Variants in AFF3 observed in about 807,000 individuals in gnomAD.
The protein encoded by AFF3 is AF4/FMR2 family member 3.
A neutral mutation model predicts 129.7 loss-of-function variants in AFF3; 32 were observed. That is an observed-to-expected ratio of 0.25 (90% confidence interval 0.19 to 0.33). The LOEUF is 0.33. Ranked by LOEUF, AFF3 falls within the 10% of genes least tolerant of loss-of-function variation. AFF3 has a pLI of 1.00. For synonymous variants in AFF3, 644 were observed against 635.4 expected, an observed-to-expected ratio of 1.01 and a Z score of -0.20; for missense variants, 1,373 against 1,592.0, an observed-to-expected ratio of 0.86 and a Z score of 2.34.
rs923856859 is a variant in AFF3, at chr2:99,882,805, C to T, written c.874-45281G>A. Among the ~76,000 whole-genome samples, 6 of 152,282 alleles carry T rather than the reference C, an allele frequency of 3.9e-5. No homozygotes were observed. The East Asian group carries it at 9.6e-4, about 24-fold the overall frequency. ...CCACATAAAGAAACTGTAGTCTGGG[C>T]CCAAGGCATGGCCCTAGCAATTTCC... On this transcript the variant is annotated intron_variant, in intron 7 of 24. Transcript: ENST00000672756.
rs1219295781 is a variant in AFF3 at position 99,554,719 on chromosome 2, G to A, written c.3299C>T (p.Ala1100Val). The A allele has an allele frequency of 3.1e-6, 5 of 1,614,110 alleles. No homozygotes were observed. The highest frequency in any genetic ancestry group is 1.6e-4 in the Middle Eastern group (1 of 6,084). ...LIDYFKNSSK[A>V]AQAPSPWGAS... ...CCCCCACGGAGATGGGGCTTGGGCG[G>A]CTTTAGATGAGTTCTGCAAGAAAAT... is the stretch of plus-strand genomic sequence containing the variant. Residue 1100 changes from alanine (A) to valine (V), a missense_variant, in exon 23 of 25, where the codon GCC (alanine) becomes GTC (valine). By Grantham distance (64) the Ala-to-Val change is moderately conservative (BLOSUM62 0). Coordinates refer to ENST00000672756, the MANE Select transcript of AFF3 (RefSeq NM_001386135.1).
At chr2:99,639,475 A>G (rs1291477118) in intron 13 of AFF3, among the ~76,000 whole-genome samples, 1 of 152,192 alleles carries the variant, frequency 6.6e-6, no homozygotes, top group African/African-American at 2.4e-5. Flanking sequence ...AGAGGACTGC[A>G]TGGAGACTCA....
chr2:99,631,484 T>C (rs957453473), intron 13 of AFF3, among the ~76,000 whole-genome samples: 4 of 152,178 alleles, frequency 2.6e-5, no homozygotes, highest in Non-Finnish European at 4.4e-5. Context: ...TGAAACTCAA[T>C]ACCCCTTAAA....
intron 11 of AFF3, among the ~76,000 whole-genome samples, chr2:99,679,240 A>ACTCC (rs1674295210): frequency 6.6e-6 from 1 of 151,322 alleles, no homozygotes; most frequent in Non-Finnish European, 1.5e-5. Context: ...TCCTTCCTGG[A>ACTCC]CTCCCTCCCT....
At position 99,549,324 on chromosome 2, in the gene AFF3, C is replaced by T. The variant is rs1442462151; in HGVS notation, c.*2150G>A. 1 of 192,082 alleles carries T rather than the reference C, an allele frequency of 5.2e-6. No individual in the cohort carries two copies. The highest frequency in any genetic ancestry group is 8.2e-5 in the East Asian group (1 of 12,180). 11.9% of individuals were successfully genotyped at this position (192,082 alleles called of 1,614,324 possible). A position where few individuals can be genotyped will look rare whatever the true frequency, so the allele number is the denominator to read the frequency against. On this transcript the variant is annotated 3_prime_UTR_variant, in exon 25 of 25. Transcript: ENST00000672756. The stretch of plus-strand genomic sequence containing the variant: ...AAAGGGCTGGGTGTGGTGGCTCACG[C>T]CTGTAATCACAACACTTTGGGAGGT...
At position 99,551,563 on chromosome 2, in the gene AFF3, G is replaced by GCC; in HGVS notation, c.3590_3591dup (p.Pro1198GlyfsTer67). Reference sequence around the variant, plus strand: ...TCCATGCTGCTGTGCAGGGTGACCGGCCCCATGAGCAGATCCAGGTCGTTG... The same window carrying GCC: ...TCCATGCTGCTGTGCAGGGTGACCGGCCCCCCATGAGCAGATCCAGGTCGTTG... On this transcript the variant is annotated frameshift_variant, in exon 25 of 25. Coordinates refer to ENST00000672756, the MANE Select transcript of AFF3 (RefSeq NM_001386135.1). LOFTEE classifies it high-confidence loss of function. The GCC allele has an allele frequency of 6.2e-7, 1 of 1,614,136 alleles. No individual in the cohort carries two copies. Among genetic ancestry groups the GCC allele is most frequent in the Non-Finnish European group, 8.5e-7 (1 of 1,180,024 alleles).
chr2:99,592,092 A>C (rs1489294527), intron 15 of AFF3, among the ~76,000 whole-genome samples: 1 of 152,188 alleles, frequency 6.6e-6, no homozygotes, highest in African/African-American at 2.4e-5. Flanking sequence ...TTACTTATGA[A>C]GATACAGTAA....
chr2:99,771,585 C>T (rs1374528703), intron 8 of AFF3, among the ~76,000 whole-genome samples: 1 of 152,102 alleles, frequency 6.6e-6, no homozygotes, highest in Non-Finnish European at 1.5e-5. Flanking sequence ...TAAAGGTCAC[C>T]TTGTTTATAT....
At chr2:99,955,610 T>G (rs865866587) in intron 7 of AFF3, among the ~76,000 whole-genome samples, 1 of 152,344 alleles carries the variant, frequency 6.6e-6, no homozygotes, top group Admixed American at 6.5e-5. Context: ...AATTCTTCTA[T>G]AGCCAAATCT....
intron 7 of AFF3, among the ~76,000 whole-genome samples, chr2:99,909,111 G>A (rs1018781217): frequency 6.6e-6 from 1 of 152,016 alleles, no homozygotes; most frequent in Non-Finnish European, 1.5e-5. Flanking sequence ...TGATAGACTG[G>A]ATTAAGAAAA....
chr2:100,105,909 A>G, intron 2 of AFF3: 1 of 1,330,620 alleles, frequency 7.5e-7, no homozygotes, highest in Non-Finnish European at 1.0e-6. Flanking sequence ...AGTCCCTTCC[A>G]GCACTCTCCC....
Position 99,550,689 on chromosome 2 carries a change from G to T in AFF3, c.*785C>A, listed in dbSNP as rs1169707340. ...CCAACACACAGGCACTGCTACCTTAGTGTCTGTTAACTTTCAAAGACGCCG... is the reference window on the plus strand; with the variant it reads ...CCAACACACAGGCACTGCTACCTTATTGTCTGTTAACTTTCAAAGACGCCG... On this transcript the variant is annotated 3_prime_UTR_variant, in exon 25 of 25. Transcript: ENST00000672756. The T allele has an allele frequency of 2.1e-5, 5 of 232,756 alleles. No individual in the cohort carries two copies. The highest frequency in any genetic ancestry group is 4.4e-5 in the African/African-American group (2 of 45,304). The allele number at this position is 232,756 out of a possible 1,614,324, so 14.4% of individuals were successfully genotyped here.
At chr2:99,728,482 T>G (rs1679542840) in intron 10 of AFF3, among the ~76,000 whole-genome samples, 1 of 152,202 alleles carries the variant, frequency 6.6e-6, no homozygotes, top group East Asian at 1.9e-4. Flanking sequence ...CAGGAATGAC[T>G]CCCTAAATTA....
At chr2:100,105,723 T>C (rs962420746) in intron 2 of AFF3, 140 bp from the exon 3 acceptor site, 5 of 1,361,634 alleles carry the variant, frequency 3.7e-6, no homozygotes, top group Non-Finnish European at 4.9e-6. Flanking sequence ...CTACCTCTGC[T>C]TCTCCACAGT....
chr2:99,610,013 G>A (rs992745756), intron 13 of AFF3, among the ~76,000 whole-genome samples: 8 of 152,108 alleles, frequency 5.3e-5, no homozygotes, highest in Non-Finnish European at 1.0e-4. Context: ...GATCGACCTC[G>A]TGACATTCTT....
chr2:99,910,767 A>G (rs930291896), intron 7 of AFF3, among the ~76,000 whole-genome samples: 1 of 152,264 alleles, frequency 6.6e-6, no homozygotes, highest in Non-Finnish European at 1.5e-5. Context: ...GAATTTTAAC[A>G]AGTCACCTTA....
intron 9 of AFF3, among the ~76,000 whole-genome samples, chr2:99,749,591 G>C (rs1681460474): frequency 2.0e-5 from 3 of 152,166 alleles, no homozygotes; most frequent in Non-Finnish European, 4.4e-5. Flanking sequence ...TTCTAAGGAT[G>C]GCAGGGTGCC....
At chr2:99,564,084 A>G (rs1336300306) in intron 20 of AFF3, among the ~76,000 whole-genome samples, 1 of 152,206 alleles carries the variant, frequency 6.6e-6, no homozygotes, top group Non-Finnish European at 1.5e-5. Context: ...TAAGCAGGTC[A>G]TGATACTCCA....
At chr2:99,887,452 G>A (rs1319957220) in intron 7 of AFF3, among the ~76,000 whole-genome samples, 1 of 152,172 alleles carries the variant, frequency 6.6e-6, no homozygotes, top group African/African-American at 2.4e-5. Flanking sequence ...TGTTAATTTA[G>A]AATCTAGTTT....
Sources: allele counts gnomAD v4.1 joint callset (sites outside exome capture counted in the v4.1 genomes callset), GRCh38; gene constraint gnomAD v4.1.1; transcripts MANE v1.5; gene names NCBI Gene and HGNC (gene_info 2026-07-23, HGNC 2026-07-21).